MYO18B: variants seen among roughly 807,000 people sequenced by gnomAD.
MYO18B encodes the protein unconventional myosin-XVIIIb.
In MYO18B, 204 loss-of-function variants were observed where a neutral mutation model predicts 273.0. The observed-to-expected ratio is 0.75, with a 90% CI of 0.67 to 0.84. MYO18B has a LOEUF of 0.84. Among genes scored for constraint, MYO18B ranks in the 40% least tolerant of loss-of-function variants. The pLI, the probability that MYO18B is intolerant of heterozygous loss-of-function variation, is 0.00. For synonymous variants in MYO18B, 1,330 were observed against 1,305.7 expected (o/e 1.02, Z -0.40); for missense variants, 3,212 against 3,287.6 (o/e 0.98, Z 0.56).
chr22:26,045,311 T>C, the MYO18B span, among the ~76,000 whole-genome samples: 5 of 152,090 alleles, frequency 3.3e-5, no homozygotes, highest in Non-Finnish European at 7.3e-5. Context: ...GCCTCCAGTG[T>C]GTCAGCTGGG....
chr22:25,882,532 G>A (rs2091371175), intron 25 of MYO18B, among the ~76,000 whole-genome samples: 1 of 152,160 alleles, frequency 6.6e-6, no homozygotes, highest in Admixed American at 6.5e-5. Context: ...GAGCACTTTT[G>A]GAGCATCATC....
chr22:25,854,966 C>T (rs754006942), intron 21 of MYO18B, among the ~76,000 whole-genome samples: 5 of 152,046 alleles, frequency 3.3e-5, no homozygotes, highest in South Asian at 2.1e-4. Context: ...ATTTTAAGTT[C>T]GGGGGTACAC....
intron 21 of MYO18B, among the ~76,000 whole-genome samples, chr22:25,860,993 A>T (rs1000713403): frequency 6.6e-6 from 1 of 151,290 alleles, no homozygotes; most frequent in East Asian, 1.9e-4. Flanking sequence ...GGCTCAAGCG[A>T]TCCTCCTATT....
In MYO18B at chr22:25,843,898, A is replaced by C; in HGVS notation, c.3368+4A>C. ...AGGTCCTGCACCAGTCAAAAAGGTG[A>C]GTTGGGTCAGGGTTGGGGACGGGGA... On this transcript the variant is annotated splice_donor_region_variant and intron_variant, in intron 18 of 43. Coordinates refer to ENST00000335473, the MANE Select transcript of MYO18B (RefSeq NM_032608.7). The C allele has an allele frequency of 6.3e-7, 1 of 1,598,566 alleles. No homozygotes were observed. The highest frequency in any genetic ancestry group is 1.3e-5 in the African/African-American group (1 of 74,750).
intron 12 of MYO18B, among the ~76,000 whole-genome samples, chr22:25,818,840 T>C (rs1354236972): frequency 6.6e-6 from 1 of 152,142 alleles, no homozygotes; most frequent in Non-Finnish European, 1.5e-5. Context: ...TCTCATCTCC[T>C]TCTTGCAACC....
chr22:25,922,105 G>A (rs1287868662), intron 34 of MYO18B, among the ~76,000 whole-genome samples: 1 of 152,120 alleles, frequency 6.6e-6, no homozygotes, highest in Non-Finnish European at 1.5e-5. Context: ...TGCTGAGTGA[G>A]GTGAGATCAT....
At chr22:25,882,856 A>T (rs1039190679) in intron 25 of MYO18B, among the ~76,000 whole-genome samples, 1 of 152,126 alleles carries the variant, frequency 6.6e-6, no homozygotes, top group South Asian at 2.1e-4. Context: ...AGTGTGCCTT[A>T]TATTCATGAG....
rs2145758797 is a variant in MYO18B, at chr22:25,797,981, C to A, written c.2405C>A (p.Ala802Asp). 1 of 1,613,994 alleles carries A rather than the reference C, an allele frequency of 6.2e-7. No homozygotes were observed. The highest frequency in any genetic ancestry group is 1.7e-5 in the Admixed American group (1 of 60,034). Residue 802 changes from alanine to aspartate, a missense_variant, in exon 12 of 44, where the codon GCC (alanine) becomes GAC (aspartate). By Grantham distance (126) the Ala-to-Asp change is moderately radical. Coordinates refer to ENST00000335473, the MANE Select transcript of MYO18B (RefSeq NM_032608.7). ...GAAGATAAACAGAAGGCGGCAGCTG[C>A]CTTTGCCCAGCTCCAGGGTGCCATG... ...KPEDKQKAAA[A>D]FAQLQGAMEM... is the part of the protein sequence containing the mutation.
intron 25 of MYO18B, among the ~76,000 whole-genome samples, chr22:25,885,398 G>A (rs991465032): frequency 1.3e-5 from 2 of 152,156 alleles, no homozygotes; most frequent in African/African-American, 4.8e-5. Flanking sequence ...AATGGGGTCA[G>A]GGAGGGCTTC....
At chr22:25,836,495 C>T (rs1443395114) in intron 17 of MYO18B, among the ~76,000 whole-genome samples, 1 of 152,150 alleles carries the variant, frequency 6.6e-6, no homozygotes, top group African/African-American at 2.4e-5. Context: ...TTATGGATAG[C>T]TCCTGGTAGG....
At chr22:26,034,142 G>A (rs1462638858), downstream of MYO18B, among the ~76,000 whole-genome samples, 3 of 152,180 alleles carry the variant, frequency 2.0e-5, no homozygotes, top group Middle Eastern at 3.4e-3. Context: ...TAGTAGAGAC[G>A]AGGTTTCACC....
chr22:25,968,854 G>A (rs1007670229), intron 39 of MYO18B, among the ~76,000 whole-genome samples: 3 of 152,188 alleles, frequency 2.0e-5, no homozygotes, highest in Non-Finnish European at 4.4e-5. Context: ...GGCAAGCCCA[G>A]AGCTGGTTGG....
chr22:25,851,012 A>G (rs1015110559), intron 20 of MYO18B, among the ~76,000 whole-genome samples: 6 of 152,148 alleles, frequency 3.9e-5, no homozygotes, highest in African/African-American at 1.2e-4. Context: ...ATACTGCCCA[A>G]TGCAGCATGC....
At chr22:25,851,074 T>C (rs1191652289) in intron 20 of MYO18B, among the ~76,000 whole-genome samples, 1 of 152,200 alleles carries the variant, frequency 6.6e-6, no homozygotes. Flanking sequence ...ACACTTTCCT[T>C]TGTCAAACGG....
chr22:25,864,842 A>G (rs962233966), intron 21 of MYO18B, among the ~76,000 whole-genome samples: 3 of 152,236 alleles, frequency 2.0e-5, no homozygotes, highest in Admixed American at 1.3e-4. Flanking sequence ...AAAAAGCAGC[A>G]TTTTATGCTG....
At chr22:25,822,460 TG>T (rs2089318461) in intron 12 of MYO18B, among the ~76,000 whole-genome samples, 1 of 152,224 alleles carries the variant, frequency 6.6e-6, no homozygotes, top group African/African-American at 2.4e-5. Flanking sequence ...ACTTGTCTGT[TG>T]TCACACTCCC....
At chr22:25,986,933 T>C (rs1361814988) in intron 39 of MYO18B, among the ~76,000 whole-genome samples, 1 of 152,222 alleles carries the variant, frequency 6.6e-6, no homozygotes, top group Non-Finnish European at 1.5e-5. Flanking sequence ...TATGTGTGTG[T>C]AATTTTTTTC....
At position 25,850,178 on chromosome 22, in the gene MYO18B, C is replaced by A. The variant is rs530666243; in HGVS notation, c.3776-1292C>A. Among the ~76,000 whole-genome samples, 89 of 152,292 alleles carry A rather than the reference C, an allele frequency of 5.8e-4. 1 individual carries two copies. The highest frequency in any genetic ancestry group is 2.0e-3 in the African/African-American group (84 of 41,568). ...TTGCTGTTCTTCCTAGTTGATGCAT[C>A]TGGCTTATTGTGAAGTCTCAAAAGT... On this transcript the variant is annotated intron_variant, in intron 20 of 43. Transcript: ENST00000335473.
Position 25,801,470 on chromosome 22 carries a change from C to A in MYO18B, c.2521+3373C>A, listed in dbSNP as rs950333437. Among the ~76,000 whole-genome samples, 15 of 152,220 alleles carry A rather than the reference C, an allele frequency of 9.9e-5. 1 individual carries two copies. The highest frequency in any genetic ancestry group is 1.7e-4 in the African/African-American group (7 of 41,456). ...CCTCTCTGAGCCTCAGTCTCTTCCT[C>A]TGTAAAATGGGGCTAATGATGGTAC... is the stretch of plus-strand genomic sequence containing the variant. On this transcript the variant is annotated intron_variant, in intron 12 of 43. Transcript: ENST00000335473.
Sources: gnomAD v4.1 joint callset for allele counts (sites outside exome capture counted in the v4.1 genomes callset) on GRCh38, gnomAD v4.1.1 for gene constraint, MANE v1.5 for transcripts, NCBI Gene and HGNC (gene_info 2026-07-23, HGNC 2026-07-21) for gene names.